The following CEP83 variants were observed in gnomAD, a reference collection of about 807,000 sequenced individuals.
CEP83 encodes the protein centrosomal protein 83.
Under a neutral mutation model 101.9 loss-of-function variants are expected in CEP83, and 70 were observed. That is an observed-to-expected ratio of 0.69 (90% CI 0.57 to 0.84). The LOEUF is 0.84. Among genes scored for constraint, CEP83 ranks in the 40% least tolerant of loss-of-function variants. The pLI is 0.00. For synonymous variants in CEP83, 264 were observed against 267.9 expected (o/e 0.99, Z 0.14); for missense variants, 715 against 787.2 (o/e 0.91, Z 1.10).
intron 14 of CEP83, among the ~76,000 whole-genome samples, chr12:94,319,862 T>C (rs956262581): frequency 2.1e-4 from 32 of 152,226 alleles, no homozygotes; most frequent in African/African-American, 7.5e-4. Flanking sequence ...TAGAGGTCTA[T>C]CAGATCTATC....
At chr12:94,329,816 C>T (rs2059129058) in intron 14 of CEP83, among the ~76,000 whole-genome samples, 1 of 152,122 alleles carries the variant, frequency 6.6e-6, no homozygotes, top group African/African-American at 2.4e-5. Flanking sequence ...GTGACATATA[C>T]AGAAAAACAA....
intron 6 of CEP83, among the ~76,000 whole-genome samples, chr12:94,397,451 T>C (rs1250159101): frequency 6.6e-6 from 1 of 152,084 alleles, no homozygotes; most frequent in Non-Finnish European, 1.5e-5. Context: ...TAAGCCGAGA[T>C]TGCATCACTG....
chr12:94,340,748 C>T (rs1407538253), intron 11 of CEP83, among the ~76,000 whole-genome samples: 1 of 152,184 alleles, frequency 6.6e-6, no homozygotes, highest in Non-Finnish European at 1.5e-5. Flanking sequence ...CGACTCTAGA[C>T]TTTTTAAACT....
chr12:94,400,348 TAAAGAG>T (rs2137565585), intron 6 of CEP83, among the ~76,000 whole-genome samples: 1 of 152,284 alleles, frequency 6.6e-6, no homozygotes, highest in South Asian at 2.1e-4. Flanking sequence ...GTAGGCAGCA[TAAAGAG>T]AACATTCCAG....
downstream of CEP83, among the ~76,000 whole-genome samples, chr12:94,304,899 T>A: frequency 6.6e-6 from 1 of 152,182 alleles, no homozygotes; most frequent in East Asian, 1.9e-4. Flanking sequence ...GTGCTTGGAA[T>A]GGCTGTGACA....
chr12:94,378,942 T>A lies in CEP83; in HGVS notation c.650A>T (p.Lys217Ile). The change falls in exon 7 of 17, where the codon AAA (lysine) becomes ATA (isoleucine). Residue 217 changes from lysine (K) to isoleucine (I), a missense_variant. Physicochemically the swap from Lys to Ile is moderately radical, Grantham distance 102. Coordinates refer to ENST00000397809, the MANE Select transcript of CEP83 (RefSeq NM_016122.3). ...SKRVEQLARE[K>I]VYLCQKLKGL... ...TTTTAATTTTTGACACAAATAGACTTTTTCTCGAGCAAGTTGTTCCACTCG... is the reference window on the plus strand; with the variant it reads ...TTTTAATTTTTGACACAAATAGACTATTTCTCGAGCAAGTTGTTCCACTCG... The A allele has an allele frequency of 6.2e-7, 1 of 1,614,064 alleles. No homozygotes were observed. Among genetic ancestry groups the A allele is most frequent in the Non-Finnish European group, 8.5e-7 (1 of 1,179,976 alleles).
At position 94,413,869 on chromosome 12, in the gene CEP83, CAT is replaced by C. The variant is rs1254464906; in HGVS notation, c.-101-1280_-101-1279del. 3.2e-3 allele frequency among the ~76,000 whole-genome samples: 472 copies of C among 148,584 alleles called. 1 individual carries two copies. The highest frequency in any genetic ancestry group is 0.011 in the African/African-American group (435 of 40,566). On this transcript the variant is annotated intron_variant, in intron 2 of 16. Transcript: ENST00000397809. Reference sequence around the variant, plus strand: ...ACACACACACACACACACACACATACATACATATTTTTTTCCTGATAGAATCT... The same window carrying C: ...ACACACACACACACACACACACATACACATATTTTTTTCCTGATAGAATCT...
In CEP83 at chr12:94,403,346, G is replaced by C. The variant is rs570899280; in HGVS notation, c.325-84C>G. 47 of 643,946 alleles carry C rather than the reference G, an allele frequency of 7.3e-5. No individual in the cohort carries two copies. In the East Asian group the frequency reaches 1.2e-3, roughly 17 times the overall value. 39.9% of individuals were successfully genotyped at this position (643,946 alleles called of 1,614,324 possible). On this transcript the variant is annotated intron_variant, in intron 4 of 16. Coordinates refer to ENST00000397809, the MANE Select transcript of CEP83 (RefSeq NM_016122.3). ...ATTTCAAAGCCTCTCTCCTAATTAT[G>C]ACAATGGAATTCATGAAAGTTTTTG...
chr12:94,334,078 C>G (rs980212012), intron 12 of CEP83, among the ~76,000 whole-genome samples: 4 of 152,154 alleles, frequency 2.6e-5, no homozygotes, highest in Admixed American at 1.3e-4. Context: ...TCCTCCTCTT[C>G]CCACATACCC....
At position 94,400,945 on chromosome 12, in the gene CEP83, G is replaced by A. The variant is rs377256366; in HGVS notation, c.454C>T (p.Arg152Cys). Reference sequence around the variant, plus strand: ...GACTTGAGAAATGTATGTTCATAGCGAAGCTTATTATATACAGCTCTATAC... The same window carrying A: ...GACTTGAGAAATGTATGTTCATAGCAAAGCTTATTATATACAGCTCTATAC... Reference protein sequence around the residue: ...EKYRAVYNKLRYEHTFLKSEF... With the variant: ...EKYRAVYNKLCYEHTFLKSEF... The change falls in exon 6 of 17, where the codon CGC (arginine) becomes TGC (cysteine). Residue 152 changes from arginine (R) to cysteine (C), a missense_variant. Physicochemically the swap from Arg to Cys is radical, Grantham distance 180. Coordinates refer to ENST00000397809, the MANE Select transcript of CEP83 (RefSeq NM_016122.3). The A allele has an allele frequency of 9.3e-6, 14 of 1,502,964 alleles. No individual in the cohort carries two copies. The highest frequency in any genetic ancestry group is 4.4e-5 in the South Asian group (3 of 68,944). The allele number at this position is 1,502,964 out of a possible 1,614,324, so 93.1% of individuals were successfully genotyped here.
In CEP83 at chr12:94,331,708, G is replaced by A; in HGVS notation, c.1699C>T (p.Gln567Ter). 6.2e-7 allele frequency: 1 copy of A among 1,613,514 alleles called. No individual in the cohort carries two copies. Among genetic ancestry groups the A allele is most frequent in the Non-Finnish European group, 8.5e-7 (1 of 1,179,840 alleles). Reference sequence around the variant, plus strand: ...TAATAAGAACCACTTGCCTTTTTCTGGGCAATTGCAGCTCGCTGCAGTTTC... The same window carrying A: ...TAATAAGAACCACTTGCCTTTTTCTAGGCAATTGCAGCTCGCTGCAGTTTC... ...KEKLQRAAIA[Q>*]KKRKSLHENK... The change falls in exon 14 of 17, where the codon CAG becomes TAG. Residue 567 changes from glutamine (Q) to a stop codon, truncating the protein, a stop_gained. Transcript: ENST00000397809. LOFTEE classifies it high-confidence loss of function.
At chr12:94,385,333 G>A (rs1315661872) in intron 6 of CEP83, among the ~76,000 whole-genome samples, 3 of 152,114 alleles carry the variant, frequency 2.0e-5, no homozygotes, top group Non-Finnish European at 4.4e-5. Context: ...TTAAAGTCCT[G>A]ACCCTGTACT....
At chr12:94,280,672 C>G in the CEP83 span, among the ~76,000 whole-genome samples, 2 of 152,184 alleles carry the variant, frequency 1.3e-5, no homozygotes, top group East Asian at 3.8e-4. Context: ...GGGGGAGCCC[C>G]AGCCAGGACA....
At chr12:94,425,676 C>T (rs1032418714) in intron 2 of CEP83, among the ~76,000 whole-genome samples, 12 of 152,280 alleles carry the variant, frequency 7.9e-5, no homozygotes, top group East Asian at 3.9e-4. Flanking sequence ...TTTTAATTTA[C>T]GTTTTCCTGA....
At chr12:94,346,159 C>T (rs2059923754) in intron 11 of CEP83, among the ~76,000 whole-genome samples, 1 of 152,080 alleles carries the variant, frequency 6.6e-6, no homozygotes, top group Non-Finnish European at 1.5e-5. Context: ...AAGCAAGTCT[C>T]CTGCCTCAGC....
chr12:94,365,964 G>T (rs2061005874), intron 11 of CEP83, among the ~76,000 whole-genome samples: 1 of 152,056 alleles, frequency 6.6e-6, no homozygotes, highest in Admixed American at 6.5e-5. Context: ...ATGACATCTG[G>T]TATTTGTGAG....
chr12:94,445,589 C>G (rs1300802600), intron 1 of CEP83, among the ~76,000 whole-genome samples: 2 of 152,162 alleles, frequency 1.3e-5, no homozygotes, highest in Non-Finnish European at 2.9e-5. Flanking sequence ...AATCATAAAT[C>G]TTATAAAGCA....
chr12:94,277,573 T>C, the CEP83 span, among the ~76,000 whole-genome samples: 97,932 of 151,882 alleles, frequency 0.64, 31,657 homozygotes, highest in African/African-American at 0.7. Flanking sequence ...TAGGGATGGG[T>C]TCAGAGGTCA....
chr12:94,424,102 C>G, intron 2 of CEP83: 4 of 1,607,494 alleles, frequency 2.5e-6, no homozygotes, highest in Non-Finnish European at 3.4e-6. Context: ...CTCTCTGATA[C>G]GAAGACACAG....
Sources: gnomAD v4.1 joint callset for allele counts (sites outside exome capture counted in the v4.1 genomes callset) on GRCh38, gnomAD v4.1.1 for gene constraint, MANE v1.5 for transcripts, NCBI Gene and HGNC (gene_info 2026-07-23, HGNC 2026-07-21) for gene names.